CECR2: variants seen among roughly 807,000 people sequenced by gnomAD.
CECR2 encodes the protein chromatin remodeling regulator CECR2.
A neutral mutation model predicts 154.5 loss-of-function variants in CECR2; 30 were observed. The ratio of observed to expected loss-of-function variants is 0.19; its 90% confidence interval spans 0.15 to 0.26. CECR2 has a LOEUF of 0.26. CECR2 is among the 10% of genes least tolerant of loss of function. CECR2 has a pLI of 1.00. For synonymous variants in CECR2, 725 were observed against 683.7 expected, an observed-to-expected ratio of 1.06 and a Z score of -0.94; for missense variants, 1,743 against 1,829.3, an observed-to-expected ratio of 0.95 and a Z score of 0.86.
intron 1 of CECR2, among the ~76,000 whole-genome samples, chr22:17,381,582 A>C (rs189565274): frequency 6.8e-4 from 103 of 152,314 alleles, no homozygotes; most frequent in Admixed American, 1.3e-3. Flanking sequence ...GGAAAATCTC[A>C]AAACCCAATC....
At chr22:17,412,355 C>T (rs1351659019) in intron 1 of CECR2, among the ~76,000 whole-genome samples, 3 of 152,078 alleles carry the variant, frequency 2.0e-5, no homozygotes, top group African/African-American at 4.8e-5. Context: ...TACAGTTGCG[C>T]GTCATTTTCA....
chr22:17,405,853 T>C (rs2146549459), intron 1 of CECR2, among the ~76,000 whole-genome samples: 1 of 152,274 alleles, frequency 6.6e-6, no homozygotes, highest in South Asian at 2.1e-4. Context: ...CCACTACTTC[T>C]TTTTCTTACC....
intron 8 of CECR2, among the ~76,000 whole-genome samples, chr22:17,521,585 A>C (rs2146957197): frequency 6.6e-6 from 1 of 150,390 alleles, no homozygotes; most frequent in South Asian, 2.1e-4. Context: ...CCACTTTTTC[A>C]TGGGGTTGTT....
intron 1 of CECR2, among the ~76,000 whole-genome samples, chr22:17,437,422 A>T (rs922468914): frequency 2.0e-5 from 3 of 152,118 alleles, no homozygotes; most frequent in East Asian, 3.9e-4. Flanking sequence ...CCAGGAGCAA[A>T]TGTTAAAGGG....
At chr22:17,535,114 G>T (rs954245062) in intron 9 of CECR2, among the ~76,000 whole-genome samples, 5 of 151,168 alleles carry the variant, frequency 3.3e-5, no homozygotes, top group Non-Finnish European at 5.9e-5. Context: ...TCGCACCACT[G>T]CACTCCAGCC....
chr22:17,463,538 AAG>A (rs1336005160), intron 1 of CECR2, among the ~76,000 whole-genome samples: 1 of 152,160 alleles, frequency 6.6e-6, no homozygotes, highest in Non-Finnish European at 1.5e-5. Flanking sequence ...TAGATGTGAA[AAG>A]AGAGAAAAAG....
chr22:17,394,735 T>A (rs946364680), intron 1 of CECR2, among the ~76,000 whole-genome samples: 6 of 152,228 alleles, frequency 3.9e-5, no homozygotes, highest in Admixed American at 3.3e-4. Flanking sequence ...GTTTGGACAG[T>A]GTTACCAATT....
intron 13 of CECR2, 31 bp downstream of exon 13, chr22:17,539,150 A>G (rs946188987): frequency 1.1e-5 from 18 of 1,607,410 alleles, no homozygotes; most frequent in Non-Finnish European, 1.3e-5. Flanking sequence ...TGCTAGATAC[A>G]TATCTGTAAT....
At chr22:17,455,166 C>T (rs146158773) in intron 1 of CECR2, among the ~76,000 whole-genome samples, 2,821 of 152,330 alleles carry the variant, frequency 0.019, 47 homozygotes, top group African/African-American at 0.045. Context: ...GAGGAACAGG[C>T]TATGACCTAA....
rs2056779488 is a variant in CECR2, at chr22:17,557,022, G to T, written c.*4182G>T. ...CATTTGCTGCGTGAGAAAAAGCTGGGCTCCCTATTTCTTTTTTGGGTTGGA... is the reference window on the plus strand; with the variant it reads ...CATTTGCTGCGTGAGAAAAAGCTGGTCTCCCTATTTCTTTTTTGGGTTGGA... On this transcript the variant is annotated 3_prime_UTR_variant, in exon 19 of 19. Transcript: ENST00000262608. 1 of 152,204 alleles carries T rather than the reference G, an allele frequency of 6.6e-6. No homozygotes were observed. The highest frequency in any genetic ancestry group is 2.1e-4 in the South Asian group (1 of 4,822). The allele number at this position is 152,204 out of a possible 1,614,324, so 9.4% of individuals were successfully genotyped here. A position where few individuals can be genotyped will look rare whatever the true frequency, so the allele number is the denominator to read the frequency against.
chr22:17,469,576 CTT>C (rs1310570104), intron 1 of CECR2, among the ~76,000 whole-genome samples: 1 of 146,472 alleles, frequency 6.8e-6, no homozygotes, highest in Non-Finnish European at 1.5e-5. Context: ...AGCGCATCCT[CTT>C]TTGATGATAA....
intron 2 of CECR2, among the ~76,000 whole-genome samples, chr22:17,497,199 G>C (rs1047901325): frequency 2.0e-5 from 3 of 152,046 alleles, no homozygotes; most frequent in African/African-American, 7.2e-5. Context: ...GGAGGTTGAG[G>C]TGGGAAAATC....
upstream of CECR2, among the ~76,000 whole-genome samples, chr22:17,366,679 A>AG (rs1257217860): frequency 6.6e-6 from 1 of 152,142 alleles, no homozygotes; most frequent in Non-Finnish European, 1.5e-5. Flanking sequence ...AATAGATCCG[A>AG]GGCAGTTAAG....
chr22:17,373,975 T>G (rs140431132), intron 1 of CECR2, among the ~76,000 whole-genome samples: 57 of 152,320 alleles, frequency 3.7e-4, no homozygotes, highest in African/African-American at 1.4e-3. Flanking sequence ...TTTACTACTG[T>G]TTTCCCCCTA....
chr22:17,504,731 G>A (rs1487362714), intron 6 of CECR2, 116 bp from the exon 7 acceptor site: 43 of 871,772 alleles, frequency 4.9e-5, no homozygotes, highest in Non-Finnish European at 7.0e-5. Flanking sequence ...TTGAGCCACC[G>A]CGCCCGGCCG....
intron 1 of CECR2, among the ~76,000 whole-genome samples, chr22:17,409,039 A>G (rs1202515114): frequency 6.6e-6 from 1 of 152,202 alleles, no homozygotes; most frequent in African/African-American, 2.4e-5. Flanking sequence ...TTCAGCTCAG[A>G]TTCATCTCAA....
chr22:17,532,787 G>A (rs1281042362), intron 9 of CECR2, among the ~76,000 whole-genome samples: 3 of 119,126 alleles, frequency 2.5e-5, no homozygotes, highest in Non-Finnish European at 4.8e-5. Flanking sequence ...GTGCGATCTC[G>A]GCTCACTGCA....
At chr22:17,507,634 G>A (rs964008819) in intron 7 of CECR2, among the ~76,000 whole-genome samples, 3 of 152,126 alleles carry the variant, frequency 2.0e-5, no homozygotes, top group Non-Finnish European at 4.4e-5. Context: ...TAAAACTGAT[G>A]ATTTTGATTA....
chr22:17,413,259 G>A (rs1353029604), intron 1 of CECR2, among the ~76,000 whole-genome samples: 1 of 152,212 alleles, frequency 6.6e-6, no homozygotes, highest in Non-Finnish European at 1.5e-5. Context: ...ACCTTGGAGA[G>A]TGTGGAGGAA....
Sources: allele counts gnomAD v4.1 joint callset (sites outside exome capture counted in the v4.1 genomes callset), GRCh38; gene constraint gnomAD v4.1.1; transcripts MANE v1.5; gene names NCBI Gene and HGNC (gene_info 2026-07-23, HGNC 2026-07-21).